TBCK: variants seen among roughly 807,000 people sequenced by gnomAD.
TBCK encodes TBC1 domain containing kinase.
Under a neutral mutation model 113.4 loss-of-function variants are expected in TBCK, and 99 were observed. That is an observed-to-expected ratio of 0.87 (90% confidence interval 0.74 to 1.03). TBCK has a LOEUF of 1.03. Among genes scored for constraint, TBCK ranks in the 50% least tolerant of loss-of-function variants. The pLI is 0.00. For missense variants in TBCK, 1,045 were observed against 1,061.3 expected (o/e 0.98, Z 0.21); for synonymous variants, 369 against 370.8 (o/e 1.00, Z 0.05).
chr4:106,195,336 A>C (rs891663111), intron 20 of TBCK, among the ~76,000 whole-genome samples: 2 of 152,138 alleles, frequency 1.3e-5, no homozygotes, highest in African/African-American at 2.4e-5. Context: ...TAGACTCAAG[A>C]CCATGGCTAA....
intron 3 of TBCK, among the ~76,000 whole-genome samples, chr4:106,268,185 G>C (rs1763159497): frequency 6.6e-6 from 1 of 151,898 alleles, no homozygotes; most frequent in South Asian, 2.1e-4. Context: ...GACAGATATG[G>C]TTTGCCATTT....
intron 23 of TBCK, among the ~76,000 whole-genome samples, chr4:106,127,653 A>G (rs1303548133): frequency 6.6e-6 from 1 of 151,948 alleles, no homozygotes; most frequent in East Asian, 1.9e-4. Flanking sequence ...GGGTGTGTTC[A>G]TGTGTGTGTG....
At chr4:106,102,678 G>A (rs1487333311) in intron 24 of TBCK, among the ~76,000 whole-genome samples, 1 of 152,130 alleles carries the variant, frequency 6.6e-6, no homozygotes, top group Non-Finnish European at 1.5e-5. Flanking sequence ...TAATGAAGAT[G>A]TAAGAACTGT....
chr4:106,162,625 G>C (rs149241123), intron 23 of TBCK, among the ~76,000 whole-genome samples: 31 of 152,204 alleles, frequency 2.0e-4, no homozygotes, highest in African/African-American at 7.2e-4. Flanking sequence ...CTCGATTTTT[G>C]ACTTCTATGC....
chr4:106,063,713 G>A lies in TBCK; in HGVS notation c.2572-17033C>T, dbSNP rs778363001. Among the ~76,000 whole-genome samples the A allele has an allele frequency of 7.7e-4, 117 of 151,740 alleles. 2 individuals carry two copies. Among genetic ancestry groups the A allele is most frequent in the Non-Finnish European group, 2.4e-4 (16 of 67,856 alleles). On this transcript the variant is annotated intron_variant, in intron 25 of 25. Coordinates refer to ENST00000394708, the MANE Select transcript of TBCK (RefSeq NM_001163435.3). ...GATATTAGGAGGGAGGGCCTTTGGG[G>A]GTGATGAGGTCATGAGGGGAGACCC...
intron 24 of TBCK, 37 bp downstream of exon 24, chr4:106,116,166 C>T: frequency 6.3e-7 from 1 of 1,574,846 alleles, no homozygotes; most frequent in Admixed American, 1.7e-5. Context: ...TACAAATAAG[C>T]AGTACCACCC....
At chr4:106,051,934 G>C (rs1344224482) in intron 25 of TBCK, among the ~76,000 whole-genome samples, 1 of 151,602 alleles carries the variant, frequency 6.6e-6, no homozygotes, top group Non-Finnish European at 1.5e-5. Context: ...GAAAGAGGTG[G>C]GAATGATTTA....
At chr4:106,305,989 T>A (rs943392664) in intron 2 of TBCK, among the ~76,000 whole-genome samples, 2 of 152,208 alleles carry the variant, frequency 1.3e-5, no homozygotes, top group Non-Finnish European at 2.9e-5. Flanking sequence ...CTACTCTGGC[T>A]ATGGAGTAGC....
At chr4:106,092,810 A>G (rs1287762376) in intron 25 of TBCK, among the ~76,000 whole-genome samples, 1 of 152,200 alleles carries the variant, frequency 6.6e-6, no homozygotes, top group African/African-American at 2.4e-5. Context: ...AGCTGGCTCC[A>G]GCCTCGGCCA....
chr4:106,230,948 T>A (rs1463435219), intron 18 of TBCK, among the ~76,000 whole-genome samples: 1 of 151,828 alleles, frequency 6.6e-6, no homozygotes, highest in Non-Finnish European at 1.5e-5. Flanking sequence ...TCTAGATTAA[T>A]GAGTGAGAAT....
At chr4:106,204,443 C>G (rs1407329490) in intron 20 of TBCK, among the ~76,000 whole-genome samples, 1 of 152,138 alleles carries the variant, frequency 6.6e-6, no homozygotes, top group Admixed American at 6.6e-5. Flanking sequence ...ATGATTTGCT[C>G]TTTTTACTGG....
intron 24 of TBCK, among the ~76,000 whole-genome samples, chr4:106,106,610 CT>C (rs1446812717): frequency 1.3e-5 from 2 of 152,200 alleles, no homozygotes; most frequent in African/African-American, 4.8e-5. Context: ...GACTTCATTA[CT>C]ACCAGACCTG....
chr4:106,093,993 G>T (rs1192479074), intron 25 of TBCK, among the ~76,000 whole-genome samples: 1 of 152,148 alleles, frequency 6.6e-6, no homozygotes, highest in African/African-American at 2.4e-5. Context: ...GAAAGGTTGT[G>T]CATGTGTGGG....
chr4:106,124,682 T>C (rs1457481719), intron 23 of TBCK, among the ~76,000 whole-genome samples: 2 of 152,066 alleles, frequency 1.3e-5, no homozygotes, highest in African/African-American at 2.4e-5. Flanking sequence ...TAAAAAATGA[T>C]GAGTTCATGT....
At chr4:106,078,952 A>G (rs59794403) in intron 25 of TBCK, among the ~76,000 whole-genome samples, 6,270 of 152,254 alleles carry the variant, frequency 0.041, 431 homozygotes, top group African/African-American at 0.14. Context: ...TAAATAGGCC[A>G]TATTCCTGGG....
At chr4:106,234,969 G>A (rs1259510490) in intron 15 of TBCK, among the ~76,000 whole-genome samples, 3 of 151,982 alleles carry the variant, frequency 2.0e-5, no homozygotes, top group African/African-American at 4.8e-5. Context: ...TTATAAGCAG[G>A]ACTACCCATT....
At chr4:106,260,909 T>A (rs1310781479) in intron 4 of TBCK, among the ~76,000 whole-genome samples, 1 of 152,002 alleles carries the variant, frequency 6.6e-6, no homozygotes, top group African/African-American at 2.4e-5. Flanking sequence ...GAGTTGAAAG[T>A]CCATTTATAG....
chr4:106,210,300 T>C (rs371092890), intron 20 of TBCK, among the ~76,000 whole-genome samples: 10 of 152,154 alleles, frequency 6.6e-5, no homozygotes, highest in Admixed American at 5.2e-4. Context: ...CATATGCAGG[T>C]ATCATCTGGG....
intron 25 of TBCK, among the ~76,000 whole-genome samples, chr4:106,095,027 C>T (rs1740745696): frequency 6.6e-6 from 1 of 152,084 alleles, no homozygotes; most frequent in Non-Finnish European, 1.5e-5. Context: ...AGAAGGAAGC[C>T]ATTTTATTGT....
Sources: allele counts gnomAD v4.1 joint callset (sites outside exome capture counted in the v4.1 genomes callset), GRCh38; gene constraint gnomAD v4.1.1; transcripts MANE v1.5; gene names NCBI Gene and HGNC (gene_info 2026-07-23, HGNC 2026-07-21).